Variants in SLC24A2 observed in about 807,000 individuals in gnomAD.
SLC24A2 encodes sodium/potassium/calcium exchanger 2.
In SLC24A2, 36 loss-of-function variants were observed where a neutral mutation model predicts 62.0. The ratio of observed to expected loss-of-function variants is 0.58; its 90% confidence interval spans 0.44 to 0.77. The LOEUF is 0.77. Ranked by LOEUF, SLC24A2 falls within the 30% of genes least tolerant of loss-of-function variation. The pLI is 0.00. For missense variants in SLC24A2, 846 were observed against 817.9 expected, an observed-to-expected ratio of 1.03 and a Z score of -0.42; for synonymous variants, 358 against 294.0, an observed-to-expected ratio of 1.22 and a Z score of -2.23.
chr9:20,160,639 T>A, the SLC24A2 span, among the ~76,000 whole-genome samples: 2 of 151,050 alleles, frequency 1.3e-5, no homozygotes, highest in Non-Finnish European at 3.0e-5. Context: ...ATGTAAAAAA[T>A]TATAAAATAT....
chr9:19,876,485 C>T, the SLC24A2 span, among the ~76,000 whole-genome samples: 1 of 151,518 alleles, frequency 6.6e-6, no homozygotes, highest in East Asian at 1.9e-4. Context: ...TGGCTGAATT[C>T]TTTACAGCCT....
intron 8 of SLC24A2, among the ~76,000 whole-genome samples, chr9:19,546,293 C>A (rs574881305): frequency 6.6e-6 from 1 of 152,234 alleles, no homozygotes; most frequent in Admixed American, 6.5e-5. Context: ...CACCTACAAC[C>A]GCCCCTTCCG....
At chr9:19,658,606 G>C (rs1036448194) in intron 2 of SLC24A2, among the ~76,000 whole-genome samples, 6 of 152,174 alleles carry the variant, frequency 3.9e-5, no homozygotes, top group African/African-American at 1.4e-4. Flanking sequence ...TTCTCTGTTT[G>C]CCCCTCCATA....
chr9:19,952,168 G>GTTGTATC, the SLC24A2 span, among the ~76,000 whole-genome samples: 1 of 151,914 alleles, frequency 6.6e-6, no homozygotes, highest in South Asian at 2.1e-4. Context: ...GTATATTGAT[G>GTTGTATC]TTGTATCCTG....
the SLC24A2 span, among the ~76,000 whole-genome samples, chr9:20,192,060 T>C: frequency 1.3e-5 from 2 of 152,174 alleles, no homozygotes; most frequent in Non-Finnish European, 2.9e-5. Flanking sequence ...TGGAGGAAAG[T>C]GTGAATATCC....
At chr9:20,076,879 ATACATAT>A in the SLC24A2 span, among the ~76,000 whole-genome samples, 1 of 120,752 alleles carries the variant, frequency 8.3e-6, no homozygotes, top group African/African-American at 3.2e-5. Flanking sequence ...ATATATATAT[ATACATAT>A]CATATGTGTA....
intron 2 of SLC24A2, among the ~76,000 whole-genome samples, chr9:19,676,831 G>T (rs777133374): frequency 2.0e-5 from 3 of 152,116 alleles, no homozygotes; most frequent in Non-Finnish European, 4.4e-5. Flanking sequence ...TAACCTAAGA[G>T]AATTCTTTAT....
At chr9:20,124,440 A>G in the SLC24A2 span, among the ~76,000 whole-genome samples, 1 of 152,224 alleles carries the variant, frequency 6.6e-6, no homozygotes. Context: ...CATTATAAAA[A>G]TTTTGAATAC....
the SLC24A2 span, among the ~76,000 whole-genome samples, chr9:20,274,869 G>A: frequency 2.6e-5 from 4 of 152,010 alleles, no homozygotes; most frequent in South Asian, 8.3e-4. Flanking sequence ...AGCTTGGGTG[G>A]TGGTACTAGA....
the SLC24A2 span, among the ~76,000 whole-genome samples, chr9:20,115,868 G>C: frequency 6.6e-6 from 1 of 152,152 alleles, no homozygotes; most frequent in Non-Finnish European, 1.5e-5. Context: ...ACAATTTTAA[G>C]CAATGATTGC....
intron 2 of SLC24A2, among the ~76,000 whole-genome samples, chr9:19,716,335 T>C (rs760591700): frequency 3.3e-5 from 5 of 152,230 alleles, no homozygotes; most frequent in African/African-American, 1.2e-4. Context: ...ATGACAATGA[T>C]GATGGCTTAT....
At chr9:20,137,006 A>G in the SLC24A2 span, among the ~76,000 whole-genome samples, 1 of 152,136 alleles carries the variant, frequency 6.6e-6, no homozygotes, top group African/African-American at 2.4e-5. Flanking sequence ...TCTCTGATGT[A>G]TCAACATTAT....
chr9:20,018,024 G>A, the SLC24A2 span, among the ~76,000 whole-genome samples: 1 of 152,154 alleles, frequency 6.6e-6, no homozygotes, highest in Non-Finnish European at 1.5e-5. Context: ...TCGGCTCACT[G>A]CAAACTCCAC....
At chr9:19,893,529 C>T in the SLC24A2 span, among the ~76,000 whole-genome samples, 1 of 152,144 alleles carries the variant, frequency 6.6e-6, no homozygotes, top group Non-Finnish European at 1.5e-5. Flanking sequence ...ATAATAGTAG[C>T]TACTGTTAAT....
the SLC24A2 span, among the ~76,000 whole-genome samples, chr9:20,228,082 CA>C: frequency 4.6e-5 from 7 of 152,116 alleles, no homozygotes; most frequent in Non-Finnish European, 1.0e-4. Context: ...CCCCTTATAA[CA>C]CAAACACTAG....
chr9:19,564,720 G>A lies in SLC24A2; in HGVS notation c.1347+8631C>T, dbSNP rs115006751. On this transcript the variant is annotated intron_variant, in intron 7 of 10. Coordinates refer to ENST00000341998, the MANE Select transcript of SLC24A2 (RefSeq NM_020344.4). Reference sequence around the variant, plus strand: ...TAAAAACTGCAACACATAAAAAGCCGTCTCATGCTACATGAAAATGTAGGA... The same window carrying A: ...TAAAAACTGCAACACATAAAAAGCCATCTCATGCTACATGAAAATGTAGGA... 4.2e-3 allele frequency among the ~76,000 whole-genome samples: 643 copies of A among 152,220 alleles called. 10 individuals are homozygous for A. The highest frequency in any genetic ancestry group is 0.015 in the African/African-American group (606 of 41,518).
intron 2 of SLC24A2, among the ~76,000 whole-genome samples, chr9:19,720,860 T>C (rs1307888382): frequency 3.6e-5 from 4 of 110,118 alleles, no homozygotes; most frequent in Non-Finnish European, 4.8e-5. Flanking sequence ...TGTGTGTGTG[T>C]GTGTGTGTGT....
the SLC24A2 span, among the ~76,000 whole-genome samples, chr9:19,884,057 T>C: frequency 6.6e-6 from 1 of 152,210 alleles, no homozygotes; most frequent in Non-Finnish European, 1.5e-5. Context: ...CATGTGATAA[T>C]AATAGGACGA....
At chr9:19,797,785 A>G in the SLC24A2 span, among the ~76,000 whole-genome samples, 14 of 152,268 alleles carry the variant, frequency 9.2e-5, no homozygotes, top group East Asian at 2.3e-3. Context: ...CTTAGCTTCT[A>G]CAGAGAATCA....
Sources: gnomAD v4.1 joint callset for allele counts (sites outside exome capture counted in the v4.1 genomes callset) on GRCh38, gnomAD v4.1.1 for gene constraint, MANE v1.5 for transcripts, NCBI Gene and HGNC (gene_info 2026-07-23, HGNC 2026-07-21) for gene names.